The following PARD3B variants were observed in gnomAD, a reference collection of about 807,000 sequenced individuals.
PARD3B encodes par-3 family cell polarity regulator beta.
Under a neutral mutation model 130.2 loss-of-function variants are expected in PARD3B, and 103 were observed. That is an observed-to-expected ratio of 0.79 (90% CI 0.67 to 0.93). The LOEUF (loss-of-function observed/expected upper bound fraction) is 0.93, where lower values mean the gene tolerates loss of function less well. Ranked by LOEUF, PARD3B falls within the 40% of genes least tolerant of loss-of-function variation. The pLI is 0.00. For synonymous variants in PARD3B, 583 were observed against 553.2 expected, an observed-to-expected ratio of 1.05 and a Z score of -0.76; for missense variants, 1,609 against 1,499.2, an observed-to-expected ratio of 1.07 and a Z score of -1.21.
intron 2 of PARD3B, among the ~76,000 whole-genome samples, chr2:204,733,385 C>T (rs374306392): frequency 5.9e-5 from 9 of 151,298 alleles, no homozygotes; most frequent in African/African-American, 2.2e-4. Context: ...ATGAGAGATA[C>T]AGTTTTTATG....
chr2:204,857,616 C>A (rs769907734), intron 2 of PARD3B, among the ~76,000 whole-genome samples: 2 of 152,034 alleles, frequency 1.3e-5, no homozygotes, highest in African/African-American at 2.4e-5. Context: ...TATTTTTGGA[C>A]AAAGGGAGTA....
chr2:205,615,740 G>T lies in PARD3B; in HGVS notation c.3545G>T (p.Gly1182Val). ...GAAACAGGCAGACCAGGGCCCCGTG[G>T]GGGCAGCCCAGACCAGTACCCTTAC... is the stretch of plus-strand genomic sequence containing the variant. ...YQETGRPGPR[G>V]GSPDQYPYRT... Residue 1182 changes from glycine (G) to valine (V), a missense_variant, in exon 23 of 23, where the codon GGG becomes GTG. By Grantham distance (109) the Gly-to-Val change is moderately radical. Transcript: ENST00000406610. The T allele has an allele frequency of 6.2e-7, 1 of 1,614,116 alleles. No individual in the cohort carries two copies. The highest frequency in any genetic ancestry group is 8.5e-7 in the Non-Finnish European group (1 of 1,180,018).
rs1270204256 is a variant in PARD3B at position 204,673,345 on chromosome 2, A to G, written c.121-12836A>G. 6.6e-6 allele frequency among the ~76,000 whole-genome samples: 1 copy of G among 152,214 alleles called. No individual in the cohort carries two copies. Among genetic ancestry groups the G allele is most frequent in the Non-Finnish European group, 1.5e-5 (1 of 68,030 alleles). ...GTAAAAAGTAGTAGAATTTTATTTC[A>G]TTTTGTAGAGTGGAATAAAAAATTT... On this transcript the variant is annotated intron_variant, in intron 1 of 22. Transcript: ENST00000406610. The surrounding 1 kb of genome is among the most constrained non-coding windows in gnomAD (Gnocchi z 4.7).
At chr2:205,053,741 A>G (rs971680423) in intron 4 of PARD3B, among the ~76,000 whole-genome samples, 4 of 152,188 alleles carry the variant, frequency 2.6e-5, no homozygotes, top group African/African-American at 9.7e-5. Context: ...ACACTGGAAC[A>G]AAATAAATGT....
At chr2:204,618,538 A>G (rs1202270601) in intron 1 of PARD3B, among the ~76,000 whole-genome samples, 1 of 152,194 alleles carries the variant, frequency 6.6e-6, no homozygotes, top group East Asian at 1.9e-4. Context: ...GTCACCTGAA[A>G]GTTTGGGTTG....
chr2:205,141,678 C>T lies in PARD3B; in HGVS notation c.1434+15941C>T, dbSNP rs2032966698. The stretch of plus-strand genomic sequence containing the variant: ...AAACAGGTTACGGTTATGCTTAGCA[C>T]TATTATGGCAATGGAAAAAGGGGAA... On this transcript the variant is annotated intron_variant, in intron 10 of 22. Transcript: ENST00000406610. Among the ~76,000 whole-genome samples, 4 of 152,146 alleles carry T rather than the reference C, an allele frequency of 2.6e-5. No individual in the cohort carries two copies. The South Asian group carries it at 8.3e-4, about 32-fold the overall frequency.
chr2:205,453,513 G>A (rs1233695381), intron 20 of PARD3B, among the ~76,000 whole-genome samples: 1 of 152,168 alleles, frequency 6.6e-6, no homozygotes, highest in Non-Finnish European at 1.5e-5. Flanking sequence ...CAGAAATCCT[G>A]TGGAGTAGGA....
intron 2 of PARD3B, among the ~76,000 whole-genome samples, chr2:204,874,816 A>G (rs2045771999): frequency 6.6e-6 from 1 of 152,190 alleles, no homozygotes; most frequent in African/African-American, 2.4e-5. Context: ...ACAAGTGCAT[A>G]TAAAAGGAAT....
chr2:205,170,778 T>A (rs1259196508), intron 11 of PARD3B, among the ~76,000 whole-genome samples: 1 of 114,870 alleles, frequency 8.7e-6, no homozygotes, highest in Non-Finnish European at 2.1e-5. Flanking sequence ...GGCTATCTCA[T>A]TTCTTTTTTT....
At chr2:204,597,599 T>G (rs1488194428) in intron 1 of PARD3B, among the ~76,000 whole-genome samples, 2 of 152,184 alleles carry the variant, frequency 1.3e-5, no homozygotes, top group Non-Finnish European at 2.9e-5. Flanking sequence ...ATGTTGACCC[T>G]TTTTTACTCT....
At chr2:205,387,455 G>A (rs529737101) in intron 18 of PARD3B, among the ~76,000 whole-genome samples, 1 of 152,202 alleles carries the variant, frequency 6.6e-6, no homozygotes, top group South Asian at 2.1e-4. Flanking sequence ...ATAATGGGTG[G>A]ATTTATTGTT....
At chr2:205,250,052 C>CT (rs916254027) in intron 16 of PARD3B, among the ~76,000 whole-genome samples, 13 of 150,504 alleles carry the variant, frequency 8.6e-5, no homozygotes, top group African/African-American at 2.9e-4. Flanking sequence ...TTTAGCACAG[C>CT]TTTTTTTTTA....
At chr2:205,129,544 G>T (rs1449456067) in intron 10 of PARD3B, among the ~76,000 whole-genome samples, 1 of 152,152 alleles carries the variant, frequency 6.6e-6, no homozygotes, top group African/African-American at 2.4e-5. Context: ...TGAAAATCTG[G>T]CAGGATGAAG....
At chr2:205,245,299 T>C (rs2039523042) in intron 15 of PARD3B, among the ~76,000 whole-genome samples, 1 of 152,238 alleles carries the variant, frequency 6.6e-6, no homozygotes, top group Non-Finnish European at 1.5e-5. Context: ...TTGTTTTGTC[T>C]AGTTTTTAAA....
At chr2:204,821,347 A>C (rs1575067659) in intron 2 of PARD3B, among the ~76,000 whole-genome samples, 1 of 152,162 alleles carries the variant, frequency 6.6e-6, no homozygotes, top group East Asian at 1.9e-4. Context: ...TGGCAAACAT[A>C]CACCATGGAA....
chr2:205,504,782 A>G (rs1217700083), intron 21 of PARD3B, among the ~76,000 whole-genome samples: 2 of 152,184 alleles, frequency 1.3e-5, no homozygotes, highest in African/African-American at 2.4e-5. Context: ...ACACTTTTAC[A>G]CTGTTGGTGG....
chr2:205,593,222 T>G (rs1281487175), intron 22 of PARD3B, among the ~76,000 whole-genome samples: 1 of 152,262 alleles, frequency 6.6e-6, no homozygotes, highest in African/African-American at 2.4e-5. Context: ...AAGCCATTTC[T>G]TTCTACCAGA....
chr2:204,690,280 A>C (rs1208427505), intron 2 of PARD3B, among the ~76,000 whole-genome samples: 1 of 152,184 alleles, frequency 6.6e-6, no homozygotes, highest in Non-Finnish European at 1.5e-5. Flanking sequence ...CCAACTATAG[A>C]CTGTGCTGTT....
chr2:205,220,790 G>A lies in PARD3B; in HGVS notation c.2141-24988G>A, dbSNP rs372106005. ...TCAAAGGAGGTCAGTGAACTTTGTG[G>A]CTATCTGTGAGAATAGCACCACAGT... On this transcript the variant is annotated intron_variant, in intron 15 of 22. Transcript: ENST00000406610. 5.9e-5 allele frequency among the ~76,000 whole-genome samples: 9 copies of A among 152,282 alleles called. No individual in the cohort carries two copies. In the East Asian group the frequency reaches 1.7e-3, roughly 29 times the overall value.
Sources: gnomAD v4.1 joint callset for allele counts (sites outside exome capture counted in the v4.1 genomes callset) on GRCh38, gnomAD v4.1.1 for gene constraint, Gnocchi (gnomAD v3.1) non-coding constraint, MANE v1.5 for transcripts, NCBI Gene and HGNC (gene_info 2026-07-23, HGNC 2026-07-21) for gene names.